SHISA6: variants seen among roughly 807,000 people sequenced by gnomAD.
SHISA6 encodes the protein protein shisa-6.
In SHISA6, 22 loss-of-function variants were observed where a neutral mutation model predicts 47.9. The observed-to-expected ratio is 0.46, with a 90% CI of 0.33 to 0.66. SHISA6 has a LOEUF of 0.66. SHISA6 is among the 30% of genes least tolerant of loss of function. SHISA6 has a pLI of 0.02. For synonymous variants in SHISA6, 388 were observed against 337.8 expected, an observed-to-expected ratio of 1.15 and a Z score of -1.63; for missense variants, 680 against 764.6, an observed-to-expected ratio of 0.89 and a Z score of 1.30.
chr17:11,526,609 C>T (rs1410877479), intron 3 of SHISA6, among the ~76,000 whole-genome samples: 6 of 152,062 alleles, frequency 3.9e-5, no homozygotes, highest in Non-Finnish European at 7.4e-5. Context: ...CTGTTAACTT[C>T]CCCGATGGTT....
intron 2 of SHISA6, among the ~76,000 whole-genome samples, chr17:11,267,661 A>C (rs1244576098): frequency 6.6e-6 from 1 of 152,190 alleles, no homozygotes; most frequent in African/African-American, 2.4e-5. Context: ...CAAATAAGGA[A>C]AAGATTCTTT....
intron 2 of SHISA6, among the ~76,000 whole-genome samples, chr17:11,306,202 A>G (rs960523900): frequency 2.6e-5 from 4 of 152,296 alleles, no homozygotes; most frequent in East Asian, 3.9e-4. Flanking sequence ...ATCTTAAGCA[A>G]TTCTCCTCTC....
Position 11,558,424 on chromosome 17 carries a change from G to A in SHISA6, c.*120G>A. On this transcript the variant is annotated 3_prime_UTR_variant, in exon 6 of 6. Coordinates refer to ENST00000441885, the MANE Select transcript of SHISA6 (RefSeq NM_207386.4). ...TCCCTTGTCCCCTCTGTAGGAAGTG[G>A]GGGTGGGCCACCTTTGCCCAAAAAG... 1 of 1,207,710 alleles carries A rather than the reference G, an allele frequency of 8.3e-7. No individual in the cohort carries two copies. The allele number at this position is 1,207,710 out of a possible 1,614,324, so 74.8% of individuals were successfully genotyped here.
At chr17:11,538,403 G>A (rs571203255) in intron 3 of SHISA6, among the ~76,000 whole-genome samples, 1 of 152,300 alleles carries the variant, frequency 6.6e-6, no homozygotes, top group Admixed American at 6.5e-5. Flanking sequence ...TTTGGGAGAA[G>A]TGAGAAGGAG....
Position 11,249,318 on chromosome 17 carries a change from G to T in SHISA6, c.638+7258G>T, listed in dbSNP as rs969612091. 4.0e-5 allele frequency among the ~76,000 whole-genome samples: 6 copies of T among 151,740 alleles called. No homozygotes were observed. In the South Asian group the frequency reaches 6.2e-4, roughly 16 times the overall value. On this transcript the variant is annotated intron_variant, in intron 1 of 5. Coordinates refer to ENST00000441885, the MANE Select transcript of SHISA6 (RefSeq NM_207386.4). ...TGTGTGCGCGTGCGTGTGTGTGGAC[G>T]TGTGTGTGCGTGTGTATATGTGTGT...
chr17:11,344,933 C>G (rs1022989149), intron 2 of SHISA6, among the ~76,000 whole-genome samples: 3 of 152,140 alleles, frequency 2.0e-5, no homozygotes, highest in Admixed American at 2.0e-4. Context: ...CTTATTCCCC[C>G]TCTTTCCGAC....
At chr17:11,463,979 C>T (rs1915752385) in intron 3 of SHISA6, among the ~76,000 whole-genome samples, 1 of 152,086 alleles carries the variant, frequency 6.6e-6, no homozygotes, top group African/African-American at 2.4e-5. Context: ...TGCAGTGATC[C>T]AATCACAACT....
At chr17:11,515,476 C>T (rs1474404338) in intron 3 of SHISA6, among the ~76,000 whole-genome samples, 1 of 151,658 alleles carries the variant, frequency 6.6e-6, no homozygotes, top group Non-Finnish European at 1.5e-5. Flanking sequence ...AGACAAGATT[C>T]TTGGGCAACT....
intron 3 of SHISA6, among the ~76,000 whole-genome samples, chr17:11,448,521 C>T (rs960417209): frequency 2.6e-5 from 4 of 151,882 alleles, no homozygotes; most frequent in Non-Finnish European, 5.9e-5. Context: ...GACAGAGTAA[C>T]ACCCTGCCTC....
chr17:11,331,434 A>C (rs954322975), intron 2 of SHISA6, among the ~76,000 whole-genome samples: 9 of 152,196 alleles, frequency 5.9e-5, no homozygotes, highest in Admixed American at 1.3e-4. Context: ...AGCTATGTCT[A>C]GAGAAAAAAA....
At chr17:11,497,176 T>A (rs2071416207) in intron 3 of SHISA6, among the ~76,000 whole-genome samples, 1 of 152,124 alleles carries the variant, frequency 6.6e-6, no homozygotes, top group South Asian at 2.1e-4. Context: ...CAAGACAGTG[T>A]CATGGGCCAA....
In SHISA6 at chr17:11,398,830, G is replaced by A. The variant is rs531809954; in HGVS notation, c.895+19321G>A. On this transcript the variant is annotated intron_variant, in intron 3 of 5. Coordinates refer to ENST00000441885, the MANE Select transcript of SHISA6 (RefSeq NM_207386.4). The stretch of plus-strand genomic sequence containing the variant: ...ATGGTCTCGATCTCTTGACCTTGTG[G>A]TCTACCTGCTTTGGCCTCCCAAAGT... 2.3e-3 allele frequency among the ~76,000 whole-genome samples: 350 copies of A among 152,078 alleles called. 2 individuals are homozygous for A. Among genetic ancestry groups the A allele is most frequent in the South Asian group, 7.5e-3 (36 of 4,820 alleles).
At chr17:11,374,903 G>A (rs755288102) in intron 2 of SHISA6, among the ~76,000 whole-genome samples, 2 of 151,624 alleles carry the variant, frequency 1.3e-5, no homozygotes, top group South Asian at 2.1e-4. Context: ...TTTTCATTTC[G>A]CATTTGAGGA....
intron 3 of SHISA6, among the ~76,000 whole-genome samples, chr17:11,477,578 C>A: frequency 8.6e-6 from 1 of 116,208 alleles, no homozygotes; most frequent in African/African-American, 3.3e-5. Flanking sequence ...CCTCCCCCCA[C>A]CCCACAGCAG....
chr17:11,499,028 C>T (rs2071429470), intron 3 of SHISA6, among the ~76,000 whole-genome samples: 1 of 152,264 alleles, frequency 6.6e-6, no homozygotes, highest in South Asian at 2.1e-4. Flanking sequence ...GTGACAAGGG[C>T]ACCTTATGAG....
chr17:11,536,519 T>C (rs2071789752), intron 3 of SHISA6, among the ~76,000 whole-genome samples: 1 of 152,216 alleles, frequency 6.6e-6, no homozygotes, highest in African/African-American at 2.4e-5. Flanking sequence ...GTGCCTAGAT[T>C]GGAGCTTGAC....
intron 3 of SHISA6, among the ~76,000 whole-genome samples, chr17:11,381,478 G>A (rs574809239): frequency 4.9e-4 from 74 of 152,294 alleles, no homozygotes; most frequent in African/African-American, 1.7e-3. Context: ...CAGGCAGCAG[G>A]GAGTGCAGTG....
intron 2 of SHISA6, among the ~76,000 whole-genome samples, chr17:11,317,006 C>A (rs1396302922): frequency 6.6e-6 from 1 of 152,042 alleles, no homozygotes; most frequent in Admixed American, 6.5e-5. Context: ...TGAGAATGAG[C>A]TCCTGTTACC....
At chr17:11,301,512 G>C (rs1909928818) in intron 2 of SHISA6, among the ~76,000 whole-genome samples, 2 of 152,158 alleles carry the variant, frequency 1.3e-5, no homozygotes, top group Non-Finnish European at 2.9e-5. Flanking sequence ...GCTGACCAGA[G>C]AACTGTGATA....
Sources: gnomAD v4.1 joint callset for allele counts (sites outside exome capture counted in the v4.1 genomes callset) on GRCh38, gnomAD v4.1.1 for gene constraint, MANE v1.5 for transcripts, NCBI Gene and HGNC (gene_info 2026-07-23, HGNC 2026-07-21) for gene names.